Variants in FN1 observed in about 807,000 individuals in gnomAD.
The protein encoded by FN1 is fibronectin 1, also known as fibronectin.
FN1 carries 106 observed loss-of-function variants against 297.3 expected under a neutral mutation model. That is an observed-to-expected ratio of 0.36 (90% confidence interval 0.30 to 0.42). The LOEUF (loss-of-function observed/expected upper bound fraction) is 0.42. FN1 is among the 10% of genes least tolerant of loss of function. FN1 has a pLI of 1.00. For missense variants in FN1, 2,690 were observed against 3,124.9 expected, an observed-to-expected ratio of 0.86 and a Z score of 3.32; for synonymous variants, 1,149 against 1,152.6, an observed-to-expected ratio of 1.00 and a Z score of 0.06.
rs556821871 is a variant in FN1, at chr2:215,410,687, A to G, written c.1942-573T>C. ...CATGCCTGGCTAATTTTATATTTTT[A>G]GTAGAGATGGGGTTTCTCCATGTTG... On this transcript the variant is annotated intron_variant, in intron 13 of 45. Transcript: ENST00000354785. 7.9e-5 allele frequency among the ~76,000 whole-genome samples: 12 copies of G among 152,070 alleles called. No homozygotes were observed. The East Asian group carries it at 2.3e-3, about 29-fold the overall frequency.
intron 26 of FN1, 47 bp from the exon 27 acceptor site, chr2:215,388,348 G>T: frequency 1.4e-6 from 2 of 1,383,798 alleles, no homozygotes; most frequent in East Asian, 2.3e-5. Context: ...TCAAAAGCAT[G>T]AGAAACTAAA....
intron 39 of FN1, 88 bp from the exon 40 acceptor site, chr2:215,372,463 T>C: frequency 2.1e-6 from 2 of 954,476 alleles, no homozygotes; most frequent in African/African-American, 1.6e-5. Flanking sequence ...CAGGCAACAA[T>C]GACTGTTCAT....
rs1016789635 is a variant in FN1 at position 215,372,121 on chromosome 2, G to T, written c.6502C>A (p.Pro2168Thr). The T allele has an allele frequency of 1.2e-6, 2 of 1,614,092 alleles. No individual in the cohort carries two copies. Among genetic ancestry groups the T allele is most frequent in the African/African-American group, 2.7e-5 (2 of 74,916 alleles). ...TGGATTTCCTCACCTACATTCGGCGGGTATGGTCTTGGCCTATGCCTTATG... is the reference window on the plus strand; with the variant it reads ...TGGATTTCCTCACCTACATTCGGCGTGTATGGTCTTGGCCTATGCCTTATG... Reference protein sequence around the residue: ...TPIRHRPRPYPPNVGEEIQIG... With the variant: ...TPIRHRPRPYTPNVGEEIQIG... Residue 2168 changes from proline to threonine, a missense_variant, in exon 40 of 46, where the codon CCG (proline) becomes ACG (threonine). Physicochemically the swap from Pro to Thr is conservative, Grantham distance 38. This residue lies in a region of FN1 where 1,743 missense variants were observed against 1,945.2 expected (regional missense o/e 0.90). Transcript: ENST00000354785.
intron 34 of FN1, among the ~76,000 whole-genome samples, chr2:215,378,845 A>G (rs2057763092): frequency 6.6e-6 from 1 of 152,230 alleles, no homozygotes; most frequent in South Asian, 2.1e-4. Context: ...TATGCATTCA[A>G]CCAATGGATA....
intron 6 of FN1, 124 bp from the exon 7 acceptor site, chr2:215,425,409 G>T: frequency 2.0e-6 from 2 of 986,398 alleles, no homozygotes; most frequent in Non-Finnish European, 3.2e-6. Flanking sequence ...ACTGGCCTGG[G>T]ACTGGAAAAA....
At chr2:215,389,348 C>T (rs1177873552) in intron 26 of FN1, among the ~76,000 whole-genome samples, 1 of 152,098 alleles carries the variant, frequency 6.6e-6, no homozygotes, top group Non-Finnish European at 1.5e-5. Context: ...TGTGATCCAC[C>T]CGCCTTGGCC....
chr2:215,373,440 T>C (rs771006370), intron 38 of FN1, 29 bp from the exon 39 acceptor site: 6 of 1,572,378 alleles, frequency 3.8e-6, no homozygotes, highest in Admixed American at 1.7e-5. Context: ...CATCACATTA[T>C]GTCAATGGGC....
At chr2:215,374,469 G>C (rs1248865501) in intron 38 of FN1, among the ~76,000 whole-genome samples, 1 of 152,198 alleles carries the variant, frequency 6.6e-6, no homozygotes, top group Non-Finnish European at 1.5e-5. Flanking sequence ...TCATGATAGT[G>C]AGTTCTCACA....
At chr2:215,435,594 T>C (rs2067333636) in intron 1 of FN1, 61 bp downstream of exon 1, 5 of 1,607,394 alleles carry the variant, frequency 3.1e-6, no homozygotes, top group Admixed American at 1.7e-5. Flanking sequence ...AGCCCCAACT[T>C]TGGTCGGCTT....
intron 12 of FN1, among the ~76,000 whole-genome samples, chr2:215,418,835 C>A (rs1347694): frequency 0.27 from 41,442 of 152,074 alleles, 7,172 homozygotes; most frequent in East Asian, 0.92. Flanking sequence ...GAACACGTAC[C>A]TTATGCTGCA....
intron 29 of FN1, chr2:215,384,436 G>C: frequency 3.8e-6 from 2 of 522,748 alleles, no homozygotes; most frequent in South Asian, 2.3e-5. Flanking sequence ...CTGAGTAGTA[G>C]AGTAGCATTA....
intron 15 of FN1, 21 bp downstream of exon 15, chr2:215,409,542 T>A (rs1349727824): frequency 6.2e-7 from 1 of 1,611,358 alleles, no homozygotes; most frequent in Non-Finnish European, 8.5e-7. Flanking sequence ...GAACCTGTCT[T>A]GAGCGACATA....
At chr2:215,428,477 T>C in intron 5 of FN1, 139 bp from the exon 6 acceptor site, 1 of 756,098 alleles carries the variant, frequency 1.3e-6, no homozygotes. Context: ...TGCTGCAAGG[T>C]ATTACACTTC....
intron 40 of FN1, among the ~76,000 whole-genome samples, chr2:215,371,387 G>A (rs1183050278): frequency 2.0e-5 from 3 of 149,552 alleles, no homozygotes; most frequent in Non-Finnish European, 4.4e-5. Context: ...TAGATATGTT[G>A]TAGATAGTGG....
chr2:215,435,334 G>T (rs2067273303), intron 1 of FN1, among the ~76,000 whole-genome samples: 1 of 152,146 alleles, frequency 6.6e-6, no homozygotes, highest in Non-Finnish European at 1.5e-5. Context: ...ATCCCAGACG[G>T]AAAATTTATA....
At chr2:215,427,997 T>C (rs546261312) in intron 6 of FN1, among the ~76,000 whole-genome samples, 183 bp downstream of exon 6, 2 of 152,292 alleles carry the variant, frequency 1.3e-5, no homozygotes, top group Non-Finnish European at 1.5e-5. Context: ...TCTTTTTTTC[T>C]GAAAAATTTA....
At chr2:215,406,764 G>T (rs564980250) in intron 18 of FN1, among the ~76,000 whole-genome samples, 1 of 152,226 alleles carries the variant, frequency 6.6e-6, no homozygotes, top group East Asian at 1.9e-4. Flanking sequence ...GGGGGAGAGG[G>T]TTATAAGAAA....
At position 215,401,321 on chromosome 2, in the gene FN1, GAGAA is replaced by G. The variant is rs1466141871; in HGVS notation, c.3254-1974_3254-1971del. Among the ~76,000 whole-genome samples the G allele has an allele frequency of 2.9e-3, 434 of 149,124 alleles. 1 individual carries two copies. Among genetic ancestry groups the G allele is most frequent in the Middle Eastern group, 6.9e-3 (2 of 290 alleles). Reference sequence around the variant, plus strand: ...GAGAGAAAGGAAGGAAGGAAGGAAAGAGAAAGAAAGAAAGGGAAAGGAAAGGAAA... The same window carrying G: ...GAGAGAAAGGAAGGAAGGAAGGAAAGAGAAAGAAAGGGAAAGGAAAGGAAA... On this transcript the variant is annotated intron_variant, in intron 20 of 45. Coordinates refer to ENST00000354785, the MANE Select transcript of FN1 (RefSeq NM_212482.4).
chr2:215,399,548 G>T (rs371324795), intron 20 of FN1, among the ~76,000 whole-genome samples, 197 bp from the exon 21 acceptor site: 1 of 152,196 alleles, frequency 6.6e-6, no homozygotes, highest in East Asian at 1.9e-4. Context: ...ACATCATCTG[G>T]GGTCTGGCTA....
Sources: allele counts gnomAD v4.1 joint callset (sites outside exome capture counted in the v4.1 genomes callset), GRCh38; gene constraint gnomAD v4.1.1; regional missense constraint gnomAD v4.1.1; transcripts MANE v1.5; gene names NCBI Gene and HGNC (gene_info 2026-07-23, HGNC 2026-07-21).